The following NDFIP1 variants were observed in gnomAD, a reference collection of about 807,000 sequenced individuals.
NDFIP1 encodes Nedd4 family interacting protein 1, also known as NEDD4 family-interacting protein 1.
In NDFIP1, 7 loss-of-function variants were observed where a neutral mutation model predicts 28.8. The ratio of observed to expected loss-of-function variants is 0.24; its 90% confidence interval spans 0.14 to 0.46. NDFIP1 has a LOEUF of 0.46. NDFIP1 is among the 20% of genes least tolerant of loss of function. NDFIP1 has a pLI of 0.99. For missense variants in NDFIP1, 194 were observed against 269.1 expected, an observed-to-expected ratio of 0.72 and a Z score of 1.95; for synonymous variants, 92 against 101.0, an observed-to-expected ratio of 0.91 and a Z score of 0.53.
At chr5:142,145,101 C>G (rs988431954) in intron 7 of NDFIP1, among the ~76,000 whole-genome samples, 2 of 152,218 alleles carry the variant, frequency 1.3e-5, no homozygotes, top group African/African-American at 4.8e-5. Flanking sequence ...CTGTGTAGTA[C>G]TTTAAGAACT....
In NDFIP1 at chr5:142,148,300, A is replaced by G. The variant is rs166080; in HGVS notation, c.*3-3431A>G. The stretch of plus-strand genomic sequence containing the variant: ...TTACAAAAGCTAAACATTAAAGCTC[A>G]TGTACTACTATCATAGGGGCAGCTC... On this transcript the variant is annotated intron_variant, in intron 7 of 7. Transcript: ENST00000253814. 3.6e-3 allele frequency among the ~76,000 whole-genome samples: 549 copies of G among 152,262 alleles called. 3 individuals carry two copies. Among genetic ancestry groups the G allele is most frequent in the African/African-American group, 0.01 (436 of 41,556 alleles).
At chr5:142,131,560 G>A (rs1361539068) in intron 1 of NDFIP1, among the ~76,000 whole-genome samples, 1 of 152,134 alleles carries the variant, frequency 6.6e-6, no homozygotes, top group African/African-American at 2.4e-5. Flanking sequence ...TGTCTCCTAT[G>A]ATTGGAATTT....
intron 1 of NDFIP1, among the ~76,000 whole-genome samples, chr5:142,118,835 C>T (rs984097840): frequency 2.6e-5 from 4 of 152,064 alleles, no homozygotes; most frequent in South Asian, 4.1e-4. Flanking sequence ...TATTTTATTG[C>T]TTAAATTGCA....
At chr5:142,123,339 GC>G (rs1179011985) in intron 1 of NDFIP1, among the ~76,000 whole-genome samples, 3 of 152,102 alleles carry the variant, frequency 2.0e-5, no homozygotes, top group Non-Finnish European at 2.9e-5. Context: ...TTGCTATGTT[GC>G]CCAGGCTGGT....
At chr5:142,116,440 C>T (rs1028596799) in intron 1 of NDFIP1, among the ~76,000 whole-genome samples, 2 of 151,848 alleles carry the variant, frequency 1.3e-5, no homozygotes, top group African/African-American at 4.8e-5. Context: ...GCAATCTTGG[C>T]ACACTGCAAC....
Position 142,144,602 on chromosome 5 carries a change from T to C in NDFIP1, c.594T>C (p.Asn198=). ...TCCTGTTTCTCAGAGGATTTATCAA[T>C]TATGCAAAAGTTCGGAAGATGCCAG... The part of the protein sequence containing the change: ...GFLLFLRGFI[N]YAKVRKMPET... The change falls in exon 7 of 8, where the codon AAT becomes AAC. Residue 198 remains asparagine (N), a synonymous_variant. Transcript: ENST00000253814. The C allele has an allele frequency of 6.2e-7, 1 of 1,612,756 alleles. No individual in the cohort carries two copies. The highest frequency in any genetic ancestry group is 8.5e-7 in the Non-Finnish European group (1 of 1,179,342).
intron 6 of NDFIP1, among the ~76,000 whole-genome samples, chr5:142,141,411 T>C (rs961319841): frequency 6.6e-6 from 1 of 151,646 alleles, no homozygotes. Flanking sequence ...CTCCTGACTT[T>C]GTGATCCGCC....
In NDFIP1 at chr5:142,135,771, C is replaced by T; in HGVS notation, c.324C>T (p.Asp108=). 1 of 1,613,572 alleles carries T rather than the reference C, an allele frequency of 6.2e-7. No individual in the cohort carries two copies. Among genetic ancestry groups the T allele is most frequent in the East Asian group, 2.2e-5 (1 of 44,804 alleles). The change falls in exon 4 of 8, where the codon GAC becomes GAT. Residue 108 remains aspartate, a synonymous_variant. Coordinates refer to ENST00000253814, the MANE Select transcript of NDFIP1 (RefSeq NM_030571.4). ...FVGRDDFDDA[D]QLRIGNDGIF... ...GTCGGGATGATTTTGATGATGCTGA[C>T]CAGCTGAGGATAGGAAATGATGGGA...
rs919108017 is a variant in NDFIP1, at chr5:142,154,209, G to A, written c.*2481G>A. On this transcript the variant is annotated 3_prime_UTR_variant, in exon 8 of 8. Coordinates refer to ENST00000253814, the MANE Select transcript of NDFIP1 (RefSeq NM_030571.4). The stretch of plus-strand genomic sequence containing the variant: ...TTTTGGAAAGGTATTCATAGGAACC[G>A]CGGTTATTTACTTAAGGTTATGGAG... The A allele has an allele frequency of 2.0e-5, 3 of 152,266 alleles. No homozygotes were observed. Among genetic ancestry groups the A allele is most frequent in the Non-Finnish European group, 4.4e-5 (3 of 68,028 alleles). The allele number at this position is 152,266 out of a possible 1,614,324, so 9.4% of individuals were successfully genotyped here.
intron 1 of NDFIP1, among the ~76,000 whole-genome samples, chr5:142,116,821 G>A (rs1002451696): frequency 2.0e-5 from 3 of 150,748 alleles, no homozygotes; most frequent in African/African-American, 2.4e-5. Context: ...AGAGATTCTC[G>A]TGCCTCAGCT....
intron 7 of NDFIP1, among the ~76,000 whole-genome samples, chr5:142,150,728 A>AG (rs1259926070): frequency 4.0e-5 from 6 of 151,712 alleles, no homozygotes; most frequent in Non-Finnish European, 8.8e-5. Flanking sequence ...CTCCAAAAAA[A>AG]AAAAAAAGAA....
At position 142,151,915 on chromosome 5, in the gene NDFIP1, G is replaced by T. The variant is rs551810924; in HGVS notation, c.*187G>T. 88 of 152,830 alleles carry T rather than the reference G, an allele frequency of 5.8e-4. 1 individual carries two copies. The highest frequency in any genetic ancestry group is 1.9e-3 in the African/African-American group (77 of 41,564). 9.5% of individuals were successfully genotyped at this position (152,830 alleles called of 1,614,324 possible). ...TAGGTGTAAAATTTTAATAGTTAATGCAGAATTCTGTAATCATTGAATCAT... is the reference window on the plus strand; with the variant it reads ...TAGGTGTAAAATTTTAATAGTTAATTCAGAATTCTGTAATCATTGAATCAT... On this transcript the variant is annotated 3_prime_UTR_variant, in exon 8 of 8. Transcript: ENST00000253814.
chr5:142,129,458 G>A (rs1757204041), intron 1 of NDFIP1, among the ~76,000 whole-genome samples: 1 of 152,178 alleles, frequency 6.6e-6, no homozygotes, highest in African/African-American at 2.4e-5. Flanking sequence ...AGTACCTTAA[G>A]TTTAACATTA....
Position 142,137,782 on chromosome 5 carries a change from C to T in NDFIP1, c.419C>T (p.Thr140Ile), listed in dbSNP as rs1757290889. The T allele has an allele frequency of 6.2e-7, 1 of 1,614,082 alleles. No homozygotes were observed. Among genetic ancestry groups the T allele is most frequent in the Non-Finnish European group, 8.5e-7 (1 of 1,179,998 alleles). Residue 140 changes from threonine to isoleucine, a missense_variant, in exon 5 of 8, where the codon ACC becomes ATC. By Grantham distance (89) the Thr-to-Ile change is moderately conservative. Transcript: ENST00000253814. ...WIGFFLSFCL[T>I]TSAAGRYGAI... ...GGGTTTTTCCTGTCTTTTTGCCTGA[C>T]CACTTCAGCTGCAGGAAGGTATGGG... is the stretch of plus-strand genomic sequence containing the variant.
chr5:142,148,465 A>C (rs1293466614), intron 7 of NDFIP1, among the ~76,000 whole-genome samples: 2 of 152,118 alleles, frequency 1.3e-5, no homozygotes, highest in African/African-American at 4.8e-5. Context: ...GAAGTATGTG[A>C]CTGGGCCGGG....
chr5:142,112,508 C>T (rs1393060791), intron 1 of NDFIP1, among the ~76,000 whole-genome samples: 1 of 145,552 alleles, frequency 6.9e-6, no homozygotes, highest in Non-Finnish European at 1.5e-5. Context: ...CACTGTACTC[C>T]AGGTTGGGTG....
At position 142,131,844 on chromosome 5, in the gene NDFIP1, G is replaced by A; in HGVS notation, c.100G>A (p.Ala34Thr). 6.2e-7 allele frequency: 1 copy of A among 1,601,548 alleles called. No individual in the cohort carries two copies. The highest frequency in any genetic ancestry group is 1.1e-5 in the South Asian group (1 of 88,344). The change falls in exon 2 of 8, where the codon GCT (alanine) becomes ACT (threonine). Residue 34 changes from alanine (A) to threonine (T), a missense_variant. By Grantham distance (58) the Ala-to-Thr change is moderately conservative. Transcript: ENST00000253814. ...NEEESGEPEQ[A>T]AGDAPPPYSS... is the part of the protein sequence containing the mutation. ...AGAAGAGTCTGGAGAACCTGAACAG[G>A]CTGCAGGTGATGCTCCTCCACCTTA...
intron 6 of NDFIP1, chr5:142,143,993 T>TTAATAATAATAA (rs61139878): frequency 3.4e-5 from 5 of 148,176 alleles, no homozygotes; most frequent in East Asian, 2.0e-4. Flanking sequence ...ACCCTGTCTG[T>TTAATAATAATAA]TAATAATAAT....
Position 142,108,850 on chromosome 5 carries a change from G to A in NDFIP1, c.-125G>A, listed in dbSNP as rs1359746357. ...GAGAAGAGCGTCTCGCCCGGGAGCG[G>A]CGGCGGCCATCGAGACCCACCCAAG... On this transcript the variant is annotated 5_prime_UTR_variant, in exon 1 of 8. Transcript: ENST00000253814. 3 of 745,476 alleles carry A rather than the reference G, an allele frequency of 4.0e-6. No individual in the cohort carries two copies. The highest frequency in any genetic ancestry group is 3.7e-5 in the African/African-American group (2 of 53,848). The allele number at this position is 745,476 out of a possible 1,614,324, so 46.2% of individuals were successfully genotyped here. A position where few individuals can be genotyped will look rare whatever the true frequency, so the allele number is the denominator to read the frequency against.
Sources: allele counts gnomAD v4.1 joint callset (sites outside exome capture counted in the v4.1 genomes callset), GRCh38; gene constraint gnomAD v4.1.1; transcripts MANE v1.5; gene names NCBI Gene and HGNC (gene_info 2026-07-23, HGNC 2026-07-21).